SPTBN5: variants seen among roughly 807,000 people sequenced by gnomAD.
The protein encoded by SPTBN5 is spectrin beta, non-erythrocytic 5.
Under a neutral mutation model 477.6 loss-of-function variants are expected in SPTBN5, and 513 were observed. The observed-to-expected ratio is 1.07, with a 90% CI of 1.00 to 1.16. SPTBN5 has a LOEUF of 1.16. Among genes scored for constraint, SPTBN5 ranks in the 50% most tolerant of loss-of-function variants. The pLI, the probability that SPTBN5 is intolerant of heterozygous loss-of-function variation, is 0.00. For missense variants in SPTBN5, 5,062 were observed against 4,731.8 expected (o/e 1.07, Z -2.05); for synonymous variants, 2,169 against 2,011.7 (o/e 1.08, Z -2.09).
chr15:41,868,617 C>T lies in SPTBN5; in HGVS notation c.5854-16G>A, dbSNP rs374015544. 4.2e-4 allele frequency: 664 copies of T among 1,594,560 alleles called. No individual in the cohort carries two copies. Among genetic ancestry groups the T allele is most frequent in the Non-Finnish European group, 5.2e-4 (614 of 1,176,070 alleles). On this transcript the variant is annotated splice_polypyrimidine_tract_variant and intron_variant, in intron 32 of 67. Coordinates refer to ENST00000320955, the MANE Select transcript of SPTBN5 (RefSeq NM_016642.4). ...AGTCACGCACCTGATCCCGGGGACA[C>T]GGAGGGAGAGCCGGGTGAGGGCTGG...
chr15:41,860,840 C>A, intron 46 of SPTBN5, 82 bp from the exon 47 acceptor site: 1 of 1,320,644 alleles, frequency 7.6e-7, no homozygotes, highest in Non-Finnish European at 9.9e-7. Context: ...CTAGAACCAT[C>A]CTACCAAATG....
At position 41,849,870 on chromosome 15, in the gene SPTBN5, T is replaced by G. The variant is rs1595433777; in HGVS notation, c.11011A>C (p.Arg3671=). The change falls in exon 67 of 68, where the codon AGG becomes CGG. Residue 3671 remains arginine (R), a splice_region_variant and synonymous_variant. Transcript: ENST00000320955. ...GCTTCCCCCACCCAGGTGTCCCACC[T>G]GAGTAGACATCCAGGCCGGGCATCC... ...TKDARPGCLL[R]SDP 6.4e-7 allele frequency: 1 copy of G among 1,571,200 alleles called. No homozygotes were observed. Among genetic ancestry groups the G allele is most frequent in the Non-Finnish European group, 8.6e-7 (1 of 1,157,944 alleles).
chr15:41,849,123 G>T (rs918858248), intron 67 of SPTBN5, among the ~76,000 whole-genome samples: 2 of 152,206 alleles, frequency 1.3e-5, no homozygotes, highest in Non-Finnish European at 2.9e-5. Context: ...CATGCACGGA[G>T]GATTTGCCTG....
In SPTBN5 at chr15:41,879,833, C is replaced by A. The variant is rs754535210; in HGVS notation, c.2843G>T (p.Gly948Val). The A allele has an allele frequency of 6.2e-7, 1 of 1,613,840 alleles. No homozygotes were observed. Among genetic ancestry groups the A allele is most frequent in the South Asian group, 1.1e-5 (1 of 91,056 alleles). ...AGAGCTGCTGACCTCAGCCCAGAGG[C>A]CCTTTCCCACAGCCAGGGCAGTGAG... ...NFLTALAVGK[G>V]LWAEVSSSAE... is the part of the protein sequence containing the mutation. The change falls in exon 15 of 68, where the codon GGC becomes GTC. Residue 948 changes from glycine to valine, a missense_variant. Coordinates refer to ENST00000320955, the MANE Select transcript of SPTBN5 (RefSeq NM_016642.4).
intron 61 of SPTBN5, 105 bp from the exon 62 acceptor site, chr15:41,852,421 G>C (rs1022265748): frequency 7.0e-7 from 1 of 1,429,342 alleles, no homozygotes; most frequent in Non-Finnish European, 9.4e-7. Context: ...GTCAGAGGGG[G>C]CCTGCCTCCC....
chr15:41,859,058 G>A (rs543356785), intron 47 of SPTBN5, 78 bp from the exon 48 acceptor site: 68 of 1,149,340 alleles, frequency 5.9e-5, no homozygotes, highest in South Asian at 1.8e-4. Context: ...AGGCTTTCTC[G>A]GGTATGAATA....
At position 41,868,439 on chromosome 15, in the gene SPTBN5, CCAGCTGGGTGGCCTGCTGCCA is replaced by C. The variant is rs758467309; in HGVS notation, c.5995_6015del (p.Trp1999_Leu2005del). On this transcript the variant is annotated inframe_deletion, in exon 33 of 68. Transcript: ENST00000320955. The stretch of plus-strand genomic sequence containing the variant: ...CCTGCAGCAAGAAGTGCCTGCTGCC[CCAGCTGGGTGGCCTGCTGCCA>C]CAGCTTCTCCCGGGCCTCCAGCTCC... The C allele has an allele frequency of 1.2e-5, 20 of 1,609,090 alleles. No individual in the cohort carries two copies. The highest frequency in any genetic ancestry group is 5.5e-5 in the South Asian group (5 of 90,918).
chr15:41,875,703 C>T lies in SPTBN5; in HGVS notation c.4123-81G>A, dbSNP rs1595488882. 8 of 1,430,946 alleles carry T rather than the reference C, an allele frequency of 5.6e-6. No homozygotes were observed. In the African/African-American group the frequency reaches 7.1e-5, roughly 13 times the overall value. The allele number at this position is 1,430,946 out of a possible 1,614,324, so 88.6% of individuals were successfully genotyped here. On this transcript the variant is annotated intron_variant, in intron 21 of 67. Transcript: ENST00000320955. The stretch of plus-strand genomic sequence containing the variant: ...GCCGCAGCAGGCTGGACCTGGGTGG[C>T]AGTGGAGGTGAGGGGGTGACCACAG...
chr15:41,852,806 G>A lies in SPTBN5; in HGVS notation c.10347+18C>T, dbSNP rs1261559885. 3 of 1,610,836 alleles carry A rather than the reference G, an allele frequency of 1.9e-6. No individual in the cohort carries two copies. The highest frequency in any genetic ancestry group is 1.1e-5 in the South Asian group (1 of 91,000). On this transcript the variant is annotated intron_variant, in intron 60 of 67. Transcript: ENST00000320955. Reference sequence around the variant, plus strand: ...CCCAGAGCCTGGTAGCCAGCTAAGGGGCAGGACCCCCACTCACCCCATAGT... The same window carrying A: ...CCCAGAGCCTGGTAGCCAGCTAAGGAGCAGGACCCCCACTCACCCCATAGT...
intron 59 of SPTBN5, 76 bp from the exon 60 acceptor site, chr15:41,853,076 A>C (rs998148009): frequency 2.1e-6 from 3 of 1,448,922 alleles, no homozygotes; most frequent in African/African-American, 2.9e-5. Context: ...TGGAGAGCCA[A>C]GTGTTAATGG....
chr15:41,859,600 G>A (rs2066034861), intron 47 of SPTBN5, among the ~76,000 whole-genome samples: 1 of 152,188 alleles, frequency 6.6e-6, no homozygotes, highest in South Asian at 2.1e-4. Context: ...AGGCAACTGG[G>A]GCAGACACAA....
Position 41,876,141 on chromosome 15 carries a change from G to C in SPTBN5, c.4095C>G (p.Thr1365=). ...HEAAESELLA[T]RRHVEALQQV... ...GCTGCAGGGCCTCCACGTGTCTGCG[G>C]GTGGCGAGTAGCTCGCTCTCAGCTG... Residue 1365 remains threonine, a synonymous_variant, in exon 21 of 68, where the codon ACC becomes ACG. Coordinates refer to ENST00000320955, the MANE Select transcript of SPTBN5 (RefSeq NM_016642.4). The C allele has an allele frequency of 6.2e-7, 1 of 1,603,320 alleles. No individual in the cohort carries two copies. The highest frequency in any genetic ancestry group is 8.5e-7 in the Non-Finnish European group (1 of 1,179,222).
rs374965974 is a variant in SPTBN5 at position 41,863,983 on chromosome 15, C to T, written c.6960G>A (p.Leu2320=). 4 of 1,613,712 alleles carry T rather than the reference C, an allele frequency of 2.5e-6. No homozygotes were observed. The Admixed American group carries it at 6.7e-5, about 27-fold the overall frequency. Reference sequence around the variant, plus strand: ...GGTCCCGGTTCTTGAGCTGCAGTGACAAGTCACTGATGCTCCTGATGCAGG... The same window carrying T: ...GGTCCCGGTTCTTGAGCTGCAGTGATAAGTCACTGATGCTCCTGATGCAGG... The part of the protein sequence containing the change: ...GDACIRSISD[L]SLQLKNRDPE... Residue 2320 remains leucine (L), a synonymous_variant, in exon 40 of 68, where the codon TTG becomes TTA. Transcript: ENST00000320955.
chr15:41,855,396 C>T lies in SPTBN5; in HGVS notation c.9251G>A (p.Arg3084Gln), dbSNP rs201880049. ...PKVLAQLQAV[R>Q]EAHAELLRRA... ...CCGCAGCAGCTCTGCGTGGGCCTCCCGAACTGCCTGCAGCTGGGCTAGCAC... is the reference window on the plus strand; with the variant it reads ...CCGCAGCAGCTCTGCGTGGGCCTCCTGAACTGCCTGCAGCTGGGCTAGCAC... The change falls in exon 55 of 68, where the codon CGG (arginine) becomes CAG (glutamine). Residue 3084 changes from arginine to glutamine, a missense_variant. Physicochemically the swap from Arg to Gln is conservative, Grantham distance 43. Coordinates refer to ENST00000320955, the MANE Select transcript of SPTBN5 (RefSeq NM_016642.4). The T allele has an allele frequency of 1.4e-4, 229 of 1,604,060 alleles. No individual in the cohort carries two copies. Among genetic ancestry groups the T allele is most frequent in the African/African-American group, 5.3e-5 (4 of 74,944 alleles).
At chr15:41,891,069 G>A (rs2067295742) in intron 3 of SPTBN5, among the ~76,000 whole-genome samples, 1 of 152,222 alleles carries the variant, frequency 6.6e-6, no homozygotes, top group Admixed American at 6.5e-5. Flanking sequence ...TCACTCAGAT[G>A]TTGCCTAGCC....
At chr15:41,863,024 C>G (rs547897368) in intron 41 of SPTBN5, 121 bp from the exon 42 acceptor site, 1 of 867,812 alleles carries the variant, frequency 1.2e-6, no homozygotes, top group South Asian at 1.6e-5. Context: ...TTCCTGGCCC[C>G]GACTTTGAGG....
intron 53 of SPTBN5, 22 bp from the exon 54 acceptor site, chr15:41,855,767 T>TC: frequency 6.5e-7 from 1 of 1,543,280 alleles, no homozygotes; most frequent in Non-Finnish European, 8.7e-7. Context: ...AGAGTGGAGA[T>TC]CCGTTTTCCC....
intron 67 of SPTBN5, among the ~76,000 whole-genome samples, chr15:41,849,340 A>C (rs960216803): frequency 2.6e-5 from 4 of 152,208 alleles, no homozygotes; most frequent in Admixed American, 6.5e-5. Flanking sequence ...CCTGGCCTGC[A>C]GGCCGGGACA....
chr15:41,890,016 TC>T (rs1345549188), intron 4 of SPTBN5, 72 bp downstream of exon 4: 3 of 927,942 alleles, frequency 3.2e-6, no homozygotes, highest in South Asian at 2.8e-5. Flanking sequence ...AACTTATGAA[TC>T]CCCAGGGGTC....
Sources: allele counts gnomAD v4.1 joint callset (sites outside exome capture counted in the v4.1 genomes callset), GRCh38; gene constraint gnomAD v4.1.1; transcripts MANE v1.5; gene names NCBI Gene and HGNC (gene_info 2026-07-23, HGNC 2026-07-21).